Variants in CHD1L observed in about 807,000 individuals in gnomAD.
CHD1L encodes ATP-dependent chromatin remodeler CHD1L.
CHD1L carries 118 observed loss-of-function variants against 115.9 expected under a neutral mutation model. That is an observed-to-expected ratio of 1.02 (90% CI 0.88 to 1.19). The LOEUF is 1.19. CHD1L is among the 50% of genes most tolerant of loss of function. The probability of loss-of-function intolerance (pLI) is 0.00; values close to 1 mark genes in which losing one functional copy is unlikely to be tolerated. For missense variants in CHD1L, 1,179 were observed against 1,065.3 expected (o/e 1.11, Z -1.49); for synonymous variants, 411 against 387.1 (o/e 1.06, Z -0.72).
chr1:147,275,375 C>T lies in CHD1L; in HGVS notation c.1292C>T (p.Thr431Ile). 2 of 1,613,860 alleles carry T rather than the reference C, an allele frequency of 1.2e-6. No individual in the cohort carries two copies. Among genetic ancestry groups the T allele is most frequent in the Non-Finnish European group, 1.7e-6 (2 of 1,179,766 alleles). ...TCAGGTGGAGTTGGCATGAACTTAA[C>T]AGCAGCAGATACTGTGATTTTTGTT... is the stretch of plus-strand genomic sequence containing the variant. Reference protein sequence around the residue: ...TRAGGVGMNLTAADTVIFVDS... With the variant: ...TRAGGVGMNLIAADTVIFVDS... The change falls in exon 13 of 23, where the codon ACA becomes ATA. Residue 431 changes from threonine to isoleucine, a missense_variant. Thr to Ile is a moderately conservative substitution (Grantham distance 89). Transcript: ENST00000369258.
the CHD1L span, among the ~76,000 whole-genome samples, chr1:147,188,289 G>C: frequency 5.3e-5 from 8 of 151,990 alleles, no homozygotes; most frequent in African/African-American, 1.7e-4. Context: ...TTGGGAGGCC[G>C]AGGCAGGCGG....
At chr1:147,267,566 G>A in intron 9 of CHD1L, 48 bp downstream of exon 9, 1 of 1,450,386 alleles carries the variant, frequency 6.9e-7, no homozygotes, top group East Asian at 2.3e-5. Context: ...TAATGTTTCT[G>A]TGGCCAAATC....
intron 15 of CHD1L, 32 bp from the exon 16 acceptor site, chr1:147,284,319 A>G: frequency 6.6e-7 from 1 of 1,507,442 alleles, no homozygotes; most frequent in Non-Finnish European, 9.0e-7. Context: ...CTTGGTATCT[A>G]ACATTTCTCT....
At chr1:147,179,513 T>G in the CHD1L span, 30 of 1,578,450 alleles carry the variant, frequency 1.9e-5, no homozygotes, top group Middle Eastern at 3.3e-4. Context: ...CAAAGAAATA[T>G]GAAGGTGGCC....
intron 6 of CHD1L, among the ~76,000 whole-genome samples, chr1:147,263,833 C>G (rs1672872660): frequency 6.6e-6 from 1 of 151,832 alleles, no homozygotes; most frequent in Non-Finnish European, 1.5e-5. Context: ...TGGTGTTCTT[C>G]TTTGTTGTTG....
chr1:147,218,797 C>A, the CHD1L span, among the ~76,000 whole-genome samples: 3 of 152,148 alleles, frequency 2.0e-5, no homozygotes, highest in Non-Finnish European at 4.4e-5. Context: ...TTTAAACCTT[C>A]GTAAATATTA....
chr1:147,235,292 G>C, the CHD1L span, among the ~76,000 whole-genome samples: 1 of 152,172 alleles, frequency 6.6e-6, no homozygotes, highest in African/African-American at 2.4e-5. Flanking sequence ...GTGGATACTT[G>C]AGTGATCCCC....
At chr1:147,215,649 G>T in the CHD1L span, 1 of 797,440 alleles carries the variant, frequency 1.3e-6, no homozygotes, top group Non-Finnish European at 2.0e-6. Flanking sequence ...AAATACATGT[G>T]CAAATCAAGC....
chr1:147,192,613 G>GT, the CHD1L span, among the ~76,000 whole-genome samples: 4,082 of 152,158 alleles, frequency 0.027, 57 homozygotes, highest in Non-Finnish European at 0.036. Context: ...AATGCTTCCA[G>GT]TTTTTGCCCA....
At chr1:147,226,228 CT>C in the CHD1L span, among the ~76,000 whole-genome samples, 1 of 151,890 alleles carries the variant, frequency 6.6e-6, no homozygotes, top group African/African-American at 2.4e-5. Flanking sequence ...CCTGCCCCCA[CT>C]TCCGCCCCCG....
intron 12 of CHD1L, among the ~76,000 whole-genome samples, chr1:147,274,633 C>G (rs945563272): frequency 6.6e-6 from 1 of 151,314 alleles, no homozygotes; most frequent in Non-Finnish European, 1.5e-5. Flanking sequence ...TAATTAATTC[C>G]TGTAACTCAA....
At chr1:147,184,433 A>C in the CHD1L span, 1 of 1,392,424 alleles carries the variant, frequency 7.2e-7, no homozygotes, top group Non-Finnish European at 9.3e-7. The surrounding 1 kb of genome is among the most constrained non-coding windows in gnomAD (Gnocchi z 4.4). Context: ...CTTAATTTTT[A>C]CTTAAAGTTC....
the CHD1L span, among the ~76,000 whole-genome samples, chr1:147,196,136 C>CA: frequency 6.6e-6 from 1 of 152,120 alleles, no homozygotes; most frequent in Non-Finnish European, 1.5e-5. Flanking sequence ...TTTTCACATT[C>CA]TCTGCCATCT....
At chr1:147,288,335 A>G (rs1340754004) in intron 19 of CHD1L, among the ~76,000 whole-genome samples, 2 of 1,308 alleles carry the variant, frequency 1.5e-3, no homozygotes, top group African/African-American at 2.4e-3. Flanking sequence ...TAAAAAAAAA[A>G]AAAAAAAAAA....
At chr1:147,195,144 C>T in the CHD1L span, among the ~76,000 whole-genome samples, 1 of 152,128 alleles carries the variant, frequency 6.6e-6, no homozygotes, top group Non-Finnish European at 1.5e-5. Context: ...TTCAGGTTCA[C>T]CAATCCGACG....
the CHD1L span, among the ~76,000 whole-genome samples, chr1:147,201,936 G>A: frequency 0.037 from 5,609 of 152,234 alleles, 145 homozygotes; most frequent in South Asian, 0.095. Context: ...CAAACTGTAT[G>A]ATAAATTACA....
chr1:147,205,554 G>C, the CHD1L span, among the ~76,000 whole-genome samples: 1 of 152,134 alleles, frequency 6.6e-6, no homozygotes, highest in Non-Finnish European at 1.5e-5. Context: ...ATGTCAAAGA[G>C]AGAATTATTT....
At chr1:147,253,917 A>G (rs587711381) in intron 2 of CHD1L, among the ~76,000 whole-genome samples, 1 of 152,364 alleles carries the variant, frequency 6.6e-6, no homozygotes, top group South Asian at 2.1e-4. Flanking sequence ...TATTCCATCA[A>G]GAGAATTTAT....
the CHD1L span, among the ~76,000 whole-genome samples, chr1:147,219,155 G>T: frequency 6.6e-6 from 1 of 152,174 alleles, no homozygotes; most frequent in Non-Finnish European, 1.5e-5. Flanking sequence ...TGAAGTCTGT[G>T]CAGGAACATT....
Sources: allele counts gnomAD v4.1 joint callset (sites outside exome capture counted in the v4.1 genomes callset), GRCh38; gene constraint gnomAD v4.1.1; non-coding constraint Gnocchi (gnomAD v3.1); transcripts MANE v1.5; gene names NCBI Gene and HGNC (gene_info 2026-07-23, HGNC 2026-07-21).